Variants in LRP5 observed in about 807,000 individuals in gnomAD.
LRP5 encodes low-density lipoprotein receptor-related protein 5.
Under a neutral mutation model 154.1 loss-of-function variants are expected in LRP5, and 62 were observed. The ratio of observed to expected loss-of-function variants is 0.40; its 90% CI spans 0.33 to 0.50. The LOEUF is 0.50. LRP5 is among the 20% of genes least tolerant of loss of function. LRP5 has a pLI of 0.55. For missense variants in LRP5, 1,915 were observed against 2,336.7 expected (o/e 0.82, Z 3.72); for synonymous variants, 966 against 1,011.5 (o/e 0.96, Z 0.85).
chr11:68,387,586 T>C (rs1006305463), intron 6 of LRP5, among the ~76,000 whole-genome samples: 3 of 152,120 alleles, frequency 2.0e-5, no homozygotes, highest in African/African-American at 7.2e-5. Flanking sequence ...GGCTCCAGCT[T>C]TCCAGCATAG....
At position 68,410,057 on chromosome 11, in the gene LRP5, G is replaced by A. The variant is rs750492852; in HGVS notation, c.2235G>A (p.Ala745=). 6.8e-6 allele frequency: 11 copies of A among 1,613,916 alleles called. No homozygotes were observed. The highest frequency in any genetic ancestry group is 3.3e-5 in the Admixed American group (2 of 59,996). ...CTGGGACCAACAGAATCGAAGTGGC[G>A]CGGCTGGACGGGCAGTTCCGGCAAG... The part of the protein sequence containing the change: ...ADTGTNRIEV[A]RLDGQFRQVL... Residue 745 remains alanine, a synonymous_variant, in exon 10 of 23, where the codon GCG becomes GCA. Transcript: ENST00000294304.
intron 1 of LRP5, among the ~76,000 whole-genome samples, chr11:68,338,398 G>T (rs2098606884): frequency 6.6e-6 from 1 of 152,188 alleles, no homozygotes. Context: ...ATAAATATTG[G>T]ATATGCTTAC....
rs556585526 is a variant in LRP5, at chr11:68,398,323, G to A, written c.1585-5160G>A. On this transcript the variant is annotated intron_variant, in intron 7 of 22. Transcript: ENST00000294304. ...AGGGTGGGCTGCTTTGGGATCTCCC[G>A]TCATTCCCTCCCAGCTGGCAGCCGG... Among the ~76,000 whole-genome samples, 7 of 152,302 alleles carry A rather than the reference G, an allele frequency of 4.6e-5. No individual in the cohort carries two copies. The East Asian group carries it at 5.8e-4, about 13-fold the overall frequency.
In LRP5 at chr11:68,449,166, T is replaced by G; in HGVS notation, c.*96T>G. 9.2e-7 allele frequency: 1 copy of G among 1,089,250 alleles called. No individual in the cohort carries two copies. The highest frequency in any genetic ancestry group is 1.2e-6 in the Non-Finnish European group (1 of 807,236). The allele number at this position is 1,089,250 out of a possible 1,614,324, so 67.5% of individuals were successfully genotyped here. Reference sequence around the variant, plus strand: ...TATTTTATGATTTAAAAAATAAATATAATTGGGATTTTAAAAACATGAGAA... The same window carrying G: ...TATTTTATGATTTAAAAAATAAATAGAATTGGGATTTTAAAAACATGAGAA... On this transcript the variant is annotated 3_prime_UTR_variant, in exon 23 of 23. Coordinates refer to ENST00000294304, the MANE Select transcript of LRP5 (RefSeq NM_002335.4).
At chr11:68,337,151 G>A (rs942098554) in intron 1 of LRP5, among the ~76,000 whole-genome samples, 4 of 152,224 alleles carry the variant, frequency 2.6e-5, no homozygotes. Flanking sequence ...GAGACGAATC[G>A]GGAGGGACTC....
chr11:68,435,318 C>T (rs991106183), intron 18 of LRP5, among the ~76,000 whole-genome samples: 3 of 152,300 alleles, frequency 2.0e-5, no homozygotes, highest in Non-Finnish European at 2.9e-5. Context: ...CACCTGAGGC[C>T]GGGTAGATTA....
chr11:68,313,077 C>G (rs1375499106), intron 1 of LRP5, among the ~76,000 whole-genome samples: 1 of 148,098 alleles, frequency 6.8e-6, no homozygotes, highest in Non-Finnish European at 1.5e-5. Flanking sequence ...CGGGCGGGTC[C>G]TCACCTGCCC....
chr11:68,372,918 C>G (rs758486209), intron 5 of LRP5, among the ~76,000 whole-genome samples: 2 of 152,068 alleles, frequency 1.3e-5, no homozygotes, highest in Non-Finnish European at 2.9e-5. Context: ...GGGGGCAGGG[C>G]CTGGCTGTGT....
At chr11:68,308,069 G>A (rs1339206681), upstream of LRP5, among the ~76,000 whole-genome samples, 1 of 152,334 alleles carries the variant, frequency 6.6e-6, no homozygotes, top group East Asian at 1.9e-4. Flanking sequence ...GCCTTCCCTG[G>A]CCTGCTCCTG....
the LRP5 span, among the ~76,000 whole-genome samples, chr11:68,304,493 G>T: frequency 6.6e-5 from 10 of 152,242 alleles, no homozygotes; most frequent in Admixed American, 6.5e-4. Context: ...GCCCCACATA[G>T]AGTCCCCACT....
At chr11:68,409,095 T>TATATATACAC (rs1311618305) in intron 9 of LRP5, among the ~76,000 whole-genome samples, 1 of 27,764 alleles carries the variant, frequency 3.6e-5, no homozygotes, top group Non-Finnish European at 8.4e-5. Flanking sequence ...TATATATATA[T>TATATATACAC]ACACACACAT....
At chr11:68,343,030 C>T (rs1431974308) in intron 1 of LRP5, among the ~76,000 whole-genome samples, 3 of 152,236 alleles carry the variant, frequency 2.0e-5, no homozygotes, top group South Asian at 2.1e-4. Flanking sequence ...GTATGCCTGC[C>T]TTTACCCGGG....
chr11:68,372,412 A>G (rs11228217), intron 5 of LRP5, among the ~76,000 whole-genome samples: 1,321 of 10,218 alleles, frequency 0.13, 26 homozygotes, highest in African/African-American at 0.18. Context: ...AGTGTCAGGC[A>G]GACCCGGGAC....
chr11:68,326,541 C>A (rs1489414278), intron 1 of LRP5, among the ~76,000 whole-genome samples: 1 of 152,248 alleles, frequency 6.6e-6, no homozygotes, highest in Non-Finnish European at 1.5e-5. Context: ...AGTGCCTTTG[C>A]CCCGCTCTGA....
intron 8 of LRP5, among the ~76,000 whole-genome samples, chr11:68,405,331 C>T (rs2098655003): frequency 1.3e-5 from 2 of 151,650 alleles, no homozygotes; most frequent in South Asian, 4.2e-4. Context: ...ATTAGCCCGG[C>T]ATGGTGGCAT....
At chr11:68,394,102 C>T (rs1461630328) in intron 7 of LRP5, among the ~76,000 whole-genome samples, 1 of 152,174 alleles carries the variant, frequency 6.6e-6, no homozygotes, top group Non-Finnish European at 1.5e-5. Flanking sequence ...GGTGCTCCCA[C>T]ATTTTTCAGA....
At chr11:68,327,004 C>T (rs963124872) in intron 1 of LRP5, among the ~76,000 whole-genome samples, 4 of 152,194 alleles carry the variant, frequency 2.6e-5, no homozygotes, top group African/African-American at 7.2e-5. Flanking sequence ...ATGGTGGGGC[C>T]AGGCTGGAGC....
chr11:68,371,015 C>T (rs1209728655), intron 5 of LRP5, among the ~76,000 whole-genome samples: 4 of 152,146 alleles, frequency 2.6e-5, no homozygotes, highest in Non-Finnish European at 5.9e-5. Context: ...GACCTCAGAG[C>T]TGCCTGGAGA....
chr11:68,388,139 T>C (rs770744172), intron 6 of LRP5, among the ~76,000 whole-genome samples: 20 of 152,066 alleles, frequency 1.3e-4, no homozygotes, highest in Non-Finnish European at 2.5e-4. Flanking sequence ...GGGAGAGGGC[T>C]GCTCCATGGC....
Sources: allele counts gnomAD v4.1 joint callset (sites outside exome capture counted in the v4.1 genomes callset), GRCh38; gene constraint gnomAD v4.1.1; transcripts MANE v1.5; gene names NCBI Gene and HGNC (gene_info 2026-07-23, HGNC 2026-07-21).